Variants in ERBB4 observed in about 807,000 individuals in gnomAD.
The protein encoded by ERBB4 is receptor tyrosine-protein kinase erbB-4.
A neutral mutation model predicts 158.0 loss-of-function variants in ERBB4; 42 were observed. The observed-to-expected ratio is 0.27, with a 90% CI of 0.21 to 0.34. The LOEUF (loss-of-function observed/expected upper bound fraction) is 0.34. ERBB4 is among the 10% of genes least tolerant of loss of function. ERBB4 has a pLI of 1.00. For missense variants in ERBB4, 1,333 were observed against 1,624.1 expected (o/e 0.82, Z 3.08); for synonymous variants, 583 against 558.7 (o/e 1.04, Z -0.61).
chr2:211,567,418 G>C, intron 19 of ERBB4, among the ~76,000 whole-genome samples: 1 of 152,046 alleles, frequency 6.6e-6, no homozygotes, highest in Non-Finnish European at 1.5e-5. Flanking sequence ...GTGCTTACAG[G>C]TAAACTGTCA....
chr2:211,950,693 A>G (rs2080850575), intron 2 of ERBB4, among the ~76,000 whole-genome samples: 1 of 152,140 alleles, frequency 6.6e-6, no homozygotes, highest in Non-Finnish European at 1.5e-5. Context: ...ATCTGGCATC[A>G]AATTGGGAAC....
At chr2:212,212,225 T>C (rs527656632) in intron 1 of ERBB4, among the ~76,000 whole-genome samples, 2 of 152,038 alleles carry the variant, frequency 1.3e-5, no homozygotes, top group African/African-American at 2.4e-5. Context: ...CCAGCATCTA[T>C]TGTTTTCTGA....
intron 19 of ERBB4, among the ~76,000 whole-genome samples, chr2:211,611,173 TG>T (rs1294418804): frequency 6.6e-6 from 1 of 152,064 alleles, no homozygotes; most frequent in African/African-American, 2.4e-5. Context: ...TAAGCCAAAA[TG>T]AGCCACAGCT....
chr2:211,549,738 G>A (rs140693636), intron 20 of ERBB4, among the ~76,000 whole-genome samples: 100 of 152,228 alleles, frequency 6.6e-4, no homozygotes, highest in African/African-American at 2.2e-3. Context: ...AAATAGAGAG[G>A]AAGACAATTA....
intron 19 of ERBB4, among the ~76,000 whole-genome samples, chr2:211,563,013 C>T (rs189555912): frequency 9.2e-5 from 14 of 152,040 alleles, no homozygotes; most frequent in South Asian, 2.1e-4. Flanking sequence ...CCTTGTGATC[C>T]GCCCGCCTCG....
intron 25 of ERBB4, among the ~76,000 whole-genome samples, chr2:211,401,829 C>A (rs1291286792): frequency 5.3e-5 from 8 of 151,780 alleles, no homozygotes. Context: ...TTTCACATAT[C>A]CTTTACCCTA....
chr2:212,191,677 T>TGTTATACATGTTACATATAACAC (rs2082219595), intron 1 of ERBB4, among the ~76,000 whole-genome samples: 1 of 99,646 alleles, frequency 1.0e-5, no homozygotes, highest in African/African-American at 3.5e-5. Context: ...ATATATCGCG[T>TGTTATACATGTTACATATAACAC]GTGTTATACA....
intron 1 of ERBB4, among the ~76,000 whole-genome samples, chr2:212,411,042 TAAA>T: frequency 6.6e-6 from 1 of 152,238 alleles, no homozygotes; most frequent in Non-Finnish European, 1.5e-5. Context: ...GGTATAATGT[TAAA>T]AAATTAATTT....
intron 5 of ERBB4, among the ~76,000 whole-genome samples, chr2:211,747,391 C>T (rs529777040): frequency 6.6e-6 from 1 of 152,152 alleles, no homozygotes; most frequent in Non-Finnish European, 1.5e-5. Flanking sequence ...TCAAATGTCT[C>T]CTGTGGGGCA....
chr2:211,489,843 T>C (rs928946876), intron 20 of ERBB4, among the ~76,000 whole-genome samples: 3 of 152,076 alleles, frequency 2.0e-5, no homozygotes, highest in Non-Finnish European at 4.4e-5. Context: ...ATCAAGGAGA[T>C]ATAAATAGTG....
chr2:211,827,658 T>C (rs2077133051), intron 3 of ERBB4, among the ~76,000 whole-genome samples: 1 of 152,068 alleles, frequency 6.6e-6, no homozygotes, highest in Admixed American at 6.6e-5. Context: ...GCTGTATTTG[T>C]TCAATTTAGT....
At chr2:212,201,483 G>A (rs1378290968) in intron 1 of ERBB4, among the ~76,000 whole-genome samples, 1 of 151,886 alleles carries the variant, frequency 6.6e-6, no homozygotes, top group Non-Finnish European at 1.5e-5. Context: ...TTTTTTTCAC[G>A]CTTGCTTTAA....
intron 1 of ERBB4, among the ~76,000 whole-genome samples, chr2:212,488,434 T>C (rs1243532931): frequency 6.6e-6 from 1 of 152,060 alleles, no homozygotes; most frequent in African/African-American, 2.4e-5. Context: ...ATCCATATTG[T>C]TGTAAAAATG....
chr2:211,831,838 G>C (rs2077226627), intron 3 of ERBB4, among the ~76,000 whole-genome samples: 1 of 152,106 alleles, frequency 6.6e-6, no homozygotes, highest in Non-Finnish European at 1.5e-5. Context: ...GGGAGGCAGA[G>C]GTTGCAGTGA....
chr2:211,573,291 A>T (rs1023522789), intron 19 of ERBB4, among the ~76,000 whole-genome samples: 1 of 152,140 alleles, frequency 6.6e-6, no homozygotes, highest in Non-Finnish European at 1.5e-5. Flanking sequence ...ATGCAGCCCT[A>T]CCAACATCTT....
At chr2:212,276,600 G>T (rs1365664439) in intron 1 of ERBB4, among the ~76,000 whole-genome samples, 1 of 151,720 alleles carries the variant, frequency 6.6e-6, no homozygotes, top group East Asian at 1.9e-4. Flanking sequence ...TACATGAGAA[G>T]ACTTCATTCT....
At chr2:212,247,407 T>C (rs996157041) in intron 1 of ERBB4, among the ~76,000 whole-genome samples, 2 of 152,216 alleles carry the variant, frequency 1.3e-5, no homozygotes, top group Non-Finnish European at 2.9e-5. Flanking sequence ...CAAAACTATT[T>C]CTAAAGTTTT....
intron 1 of ERBB4, among the ~76,000 whole-genome samples, chr2:212,366,421 T>A (rs774089515): frequency 6.6e-6 from 1 of 151,930 alleles, no homozygotes; most frequent in Non-Finnish European, 1.5e-5. Flanking sequence ...GTGACTTTAA[T>A]CAGCTCCATG....
chr2:212,537,158 C>G (rs955417823), intron 1 of ERBB4, among the ~76,000 whole-genome samples: 5 of 114,218 alleles, frequency 4.4e-5, no homozygotes, highest in African/African-American at 1.8e-4. Flanking sequence ...GGCGGCGGAG[C>G]GGGAAAACTA....
Sources: gnomAD v4.1 joint callset for allele counts (sites outside exome capture counted in the v4.1 genomes callset) on GRCh38, gnomAD v4.1.1 for gene constraint, MANE v1.5 for transcripts, NCBI Gene and HGNC (gene_info 2026-07-23, HGNC 2026-07-21) for gene names.